The following COMMD10 variants were observed in gnomAD, a reference collection of about 807,000 sequenced individuals.
COMMD10 encodes the protein COMM domain-containing protein 10.
Under a neutral mutation model 28.9 loss-of-function variants are expected in COMMD10, and 33 were observed. That is an observed-to-expected ratio of 1.14 (90% confidence interval 0.87 to 1.53). The LOEUF (loss-of-function observed/expected upper bound fraction) is 1.53, where lower values mean the gene tolerates loss of function less well. COMMD10 is among the 40% of genes most tolerant of loss of function. The probability of loss-of-function intolerance (pLI) is 0.00; values close to 1 mark genes in which losing one functional copy is unlikely to be tolerated. For synonymous variants in COMMD10, 110 were observed against 81.7 expected (o/e 1.35, Z -1.87); for missense variants, 310 against 233.4 (o/e 1.33, Z -2.14).
chr5:116,167,707 C>T (rs988843040), intron 5 of COMMD10, among the ~76,000 whole-genome samples: 1 of 152,072 alleles, frequency 6.6e-6, no homozygotes, highest in African/African-American at 2.4e-5. Context: ...AATTTTCAAC[C>T]CAGAATTTCC....
intron 5 of COMMD10, among the ~76,000 whole-genome samples, chr5:116,214,259 T>G (rs184448122): frequency 2.3e-4 from 35 of 152,136 alleles, no homozygotes; most frequent in Admixed American, 2.0e-3. Context: ...TTGTCTTCAT[T>G]AATGTTTCTA....
intron 5 of COMMD10, among the ~76,000 whole-genome samples, chr5:116,189,105 C>G (rs936161939): frequency 6.6e-6 from 1 of 152,218 alleles, no homozygotes; most frequent in East Asian, 1.9e-4. Context: ...TCTGTGGAAG[C>G]CAAAGTGGGG....
rs564862531 is a variant in COMMD10 at position 116,124,420 on chromosome 5, T to G, written c.400-9648T>G. ...ATCCTGAGTTCTAGTTTGATTGCAC[T>G]GTGGTCTGAGAGACAGTTTGTTGTG... On this transcript the variant is annotated intron_variant, in intron 4 of 6. Transcript: ENST00000274458. Among the ~76,000 whole-genome samples, 4 of 152,352 alleles carry G rather than the reference T, an allele frequency of 2.6e-5. No individual in the cohort carries two copies. In the South Asian group the frequency reaches 6.2e-4, roughly 24 times the overall value.
intron 1 of COMMD10, among the ~76,000 whole-genome samples, chr5:116,086,666 G>C (rs912633136): frequency 2.0e-5 from 3 of 152,250 alleles, no homozygotes; most frequent in Non-Finnish European, 1.5e-5. Context: ...CACCATGTTG[G>C]CTAGGCTGGT....
intron 5 of COMMD10, among the ~76,000 whole-genome samples, chr5:116,263,344 T>C (rs148897283): frequency 6.6e-6 from 1 of 151,758 alleles, no homozygotes; most frequent in Non-Finnish European, 1.5e-5. Context: ...TATCATGACT[T>C]ACTTTTCAAT....
At chr5:116,190,096 G>T (rs930522393) in intron 5 of COMMD10, among the ~76,000 whole-genome samples, 1 of 152,058 alleles carries the variant, frequency 6.6e-6, no homozygotes, top group African/African-American at 2.4e-5. Context: ...ATATATCAGG[G>T]TACCTCCACT....
intron 5 of COMMD10, among the ~76,000 whole-genome samples, chr5:116,198,978 A>G (rs1748596980): frequency 6.6e-6 from 1 of 152,154 alleles, no homozygotes; most frequent in Non-Finnish European, 1.5e-5. Flanking sequence ...ATACCAAGGA[A>G]CATGTTTGGT....
chr5:116,085,178 G>T (rs1215318260), intron 1 of COMMD10, 85 bp downstream of exon 1: 2 of 1,288,896 alleles, frequency 1.6e-6, no homozygotes, highest in Admixed American at 2.3e-5. Flanking sequence ...GCTGCCTGCC[G>T]CCTGGGCGCC....
At chr5:116,087,244 A>G (rs144200238) in intron 1 of COMMD10, among the ~76,000 whole-genome samples, 9 of 152,308 alleles carry the variant, frequency 5.9e-5, no homozygotes, top group African/African-American at 2.2e-4. Context: ...AGGTTTCCCT[A>G]GTAGTTTGGT....
chr5:116,134,291 C>T (rs1489672769), intron 5 of COMMD10, 113 bp downstream of exon 5: 1 of 619,520 alleles, frequency 1.6e-6, no homozygotes, highest in East Asian at 3.0e-5. Context: ...TTCAGTTAAA[C>T]AGTTATTAAT....
intron 4 of COMMD10, among the ~76,000 whole-genome samples, chr5:116,101,512 C>T (rs1310520311): frequency 2.0e-5 from 3 of 152,008 alleles, no homozygotes; most frequent in Non-Finnish European, 2.9e-5. Flanking sequence ...CTGCAACCTC[C>T]GCCTCCCAGG....
chr5:116,220,000 G>A (rs916728179), intron 5 of COMMD10, among the ~76,000 whole-genome samples: 1 of 151,924 alleles, frequency 6.6e-6, no homozygotes, highest in African/African-American at 2.4e-5. Context: ...GTCAGGTTTG[G>A]GTCATAAGGT....
At chr5:116,160,363 A>ACCC (rs1357035492) in intron 5 of COMMD10, among the ~76,000 whole-genome samples, 5 of 152,208 alleles carry the variant, frequency 3.3e-5, no homozygotes, top group Non-Finnish European at 5.9e-5. Flanking sequence ...TTTGGCAATG[A>ACCC]GCTAAATCCA....
At chr5:116,174,892 T>C (rs540076204) in intron 5 of COMMD10, among the ~76,000 whole-genome samples, 1 of 152,320 alleles carries the variant, frequency 6.6e-6, no homozygotes, top group East Asian at 1.9e-4. Flanking sequence ...TCTAAATGTT[T>C]ACCAAAGTTT....
intron 5 of COMMD10, among the ~76,000 whole-genome samples, chr5:116,221,697 A>T (rs1406290903): frequency 1.3e-5 from 2 of 152,340 alleles, no homozygotes; most frequent in Non-Finnish European, 2.9e-5. Flanking sequence ...GATGAAATGT[A>T]GCATTATTAC....
At chr5:116,165,141 T>C (rs1753048279) in intron 5 of COMMD10, among the ~76,000 whole-genome samples, 1 of 152,208 alleles carries the variant, frequency 6.6e-6, no homozygotes, top group African/African-American at 2.4e-5. Context: ...AGATGAGAAT[T>C]GTCATTGAGC....
intron 5 of COMMD10, among the ~76,000 whole-genome samples, chr5:116,248,642 A>G (rs931600687): frequency 3.9e-5 from 6 of 151,956 alleles, no homozygotes; most frequent in African/African-American, 1.4e-4. Context: ...TATAGCAGTT[A>G]TTCATACAGG....
At chr5:116,173,822 G>GC (rs1561648047) in intron 5 of COMMD10, among the ~76,000 whole-genome samples, 1 of 136,822 alleles carries the variant, frequency 7.3e-6, no homozygotes, top group Non-Finnish European at 1.5e-5. Context: ...CTGTTTTTGG[G>GC]TTTTTGTTTT....
chr5:116,098,532 C>G (rs1454181064), intron 4 of COMMD10, among the ~76,000 whole-genome samples: 1 of 152,144 alleles, frequency 6.6e-6, no homozygotes, highest in Non-Finnish European at 1.5e-5. Context: ...GTTAAATCCA[C>G]AGAAATGATG....
Sources: allele counts gnomAD v4.1 joint callset (sites outside exome capture counted in the v4.1 genomes callset), GRCh38; gene constraint gnomAD v4.1.1; transcripts MANE v1.5; gene names NCBI Gene and HGNC (gene_info 2026-07-23, HGNC 2026-07-21).